The following MBIP variants were observed in gnomAD, a reference collection of about 807,000 sequenced individuals.
MBIP encodes the protein MAP3K12 binding inhibitory protein 1.
MBIP carries 32 observed loss-of-function variants against 45.7 expected under a neutral mutation model. The ratio of observed to expected loss-of-function variants is 0.70; its 90% CI spans 0.53 to 0.94. The LOEUF (loss-of-function observed/expected upper bound fraction) is 0.94, where lower values mean the gene tolerates loss of function less well. Ranked by LOEUF, MBIP falls within the 40% of genes least tolerant of loss-of-function variation. The probability of loss-of-function intolerance (pLI) is 0.00; values close to 1 mark genes in which losing one functional copy is unlikely to be tolerated. For missense variants in MBIP, 381 were observed against 405.5 expected, an observed-to-expected ratio of 0.94 and a Z score of 0.52; for synonymous variants, 145 against 141.0, an observed-to-expected ratio of 1.03 and a Z score of -0.20.
chr14:36,317,287 C>T (rs963295310), intron 1 of MBIP, among the ~76,000 whole-genome samples: 1 of 152,130 alleles, frequency 6.6e-6, no homozygotes, highest in South Asian at 2.1e-4. Context: ...AGAAATATAT[C>T]ATTATTCTGA....
At chr14:36,319,669 A>G (rs1880773041) in intron 1 of MBIP, 1 of 285,986 alleles carries the variant, frequency 3.5e-6, no homozygotes, top group Non-Finnish European at 7.1e-6. Flanking sequence ...AAAATGGTCT[A>G]TGTAAGATAG....
chr14:36,303,030 C>T (rs1879666666), intron 7 of MBIP, among the ~76,000 whole-genome samples: 1 of 152,214 alleles, frequency 6.6e-6, no homozygotes, highest in South Asian at 2.1e-4. Context: ...CTACAGTGTA[C>T]TGTGCTGCCA....
At chr14:36,309,705 T>C (rs1434902017) in intron 6 of MBIP, among the ~76,000 whole-genome samples, 1 of 152,222 alleles carries the variant, frequency 6.6e-6, no homozygotes, top group Admixed American at 6.5e-5. Flanking sequence ...CTTACTTCTG[T>C]ATCTTTCAAG....
Position 36,320,501 on chromosome 14 carries a change from G to A in MBIP, c.88C>T (p.Leu30Phe). 1 of 1,614,024 alleles carries A rather than the reference G, an allele frequency of 6.2e-7. No individual in the cohort carries two copies. The highest frequency in any genetic ancestry group is 1.1e-5 in the South Asian group (1 of 91,074). The change falls in exon 1 of 9, where the codon CTC becomes TTC. Residue 30 changes from leucine to phenylalanine, a missense_variant. Transcript: ENST00000416007. ...RCRPNLSREV[L>F]YEIFRSLHTL... is the part of the protein sequence containing the mutation. ...TGTAGGGAGCGAAAGATTTCGTAGAGCACCTCTCGGGAGAGGTTGGGTCTG... is the reference window on the plus strand; with the variant it reads ...TGTAGGGAGCGAAAGATTTCGTAGAACACCTCTCGGGAGAGGTTGGGTCTG...
rs1390986026 is a variant in MBIP, at chr14:36,316,768, G to C, written c.174C>G (p.Asn58Lys). The C allele has an allele frequency of 2.5e-6, 4 of 1,612,626 alleles. No individual in the cohort carries two copies. The South Asian group carries it at 3.3e-5, about 13-fold the overall frequency. ...DDVVKITIDW[N>K]KLQSLSAFQP... Reference sequence around the variant, plus strand: ...GGAATGCCGAGAGGCTCTGGAGCTTGTTCCAATCGATTGTAATTTTCACCA... The same window carrying C: ...GGAATGCCGAGAGGCTCTGGAGCTTCTTCCAATCGATTGTAATTTTCACCA... Residue 58 changes from asparagine to lysine, a missense_variant, in exon 2 of 9, where the codon AAC (asparagine) becomes AAG (lysine). Physicochemically the swap from Asn to Lys is moderately conservative, Grantham distance 94 (BLOSUM62 0). Transcript: ENST00000416007.
chr14:36,320,484 G>A lies in MBIP; in HGVS notation c.105C>T (p.Arg35=). 1 of 1,614,080 alleles carries A rather than the reference G, an allele frequency of 6.2e-7. No homozygotes were observed. The highest frequency in any genetic ancestry group is 8.5e-7 in the Non-Finnish European group (1 of 1,180,006). Reference sequence around the variant, plus strand: ...CCTGTCCAACCAGGGTGTGTAGGGAGCGAAAGATTTCGTAGAGCACCTCTC... The same window carrying A: ...CCTGTCCAACCAGGGTGTGTAGGGAACGAAAGATTTCGTAGAGCACCTCTC... ...LSREVLYEIF[R]SLHTLVGQLD... Residue 35 remains arginine, a synonymous_variant, in exon 1 of 9, where the codon CGC becomes CGT. Coordinates refer to ENST00000416007, the MANE Select transcript of MBIP (RefSeq NM_016586.3).
intron 2 of MBIP, among the ~76,000 whole-genome samples, chr14:36,315,517 T>C (rs1320629401): frequency 1.3e-5 from 2 of 150,758 alleles, no homozygotes; most frequent in South Asian, 2.1e-4. Context: ...CTTTTGGTCA[T>C]AAAATTAAAT....
At chr14:36,317,772 A>G (rs1022416161) in intron 1 of MBIP, among the ~76,000 whole-genome samples, 2 of 152,126 alleles carry the variant, frequency 1.3e-5, no homozygotes, top group African/African-American at 2.4e-5. Flanking sequence ...TCAAGTTAAC[A>G]TAATTTATTC....
At position 36,299,005 on chromosome 14, in the gene MBIP, A is replaced by G; in HGVS notation, c.*78T>C. On this transcript the variant is annotated 3_prime_UTR_variant, in exon 9 of 9. Transcript: ENST00000416007. ...CAGAGAAGTCTACATTGATAAATAT[A>G]TATCCGTTGAATTAATAACAGTGTA... The G allele has an allele frequency of 9.9e-7, 1 of 1,011,158 alleles. No homozygotes were observed. The highest frequency in any genetic ancestry group is 1.6e-6 in the Non-Finnish European group (1 of 644,188). The allele number at this position is 1,011,158 out of a possible 1,614,324, so 62.6% of individuals were successfully genotyped here. A position where few individuals can be genotyped will look rare whatever the true frequency, so the allele number is the denominator to read the frequency against.
Position 36,308,188 on chromosome 14 carries a change from A to C in MBIP, c.792T>G (p.Gly264=), listed in dbSNP as rs1879995168. The change falls in exon 7 of 9, where the codon GGT becomes GGG. Residue 264 remains glycine, a splice_region_variant and synonymous_variant. Transcript: ENST00000416007. ...GATAAATGTCTCTTGGCACTGGACCACCTAAATACATTAAAAAAAAATCTG... is the reference window on the plus strand; with the variant it reads ...GATAAATGTCTCTTGGCACTGGACCCCCTAAATACATTAAAAAAAAATCTG... ...NIEAHLRLQT[G]GPVPRDIYQR... The C allele has an allele frequency of 6.6e-7, 1 of 1,504,482 alleles. No individual in the cohort carries two copies. Among genetic ancestry groups the C allele is most frequent in the Non-Finnish European group, 9.1e-7 (1 of 1,103,394 alleles). The allele number at this position is 1,504,482 out of a possible 1,614,324, so 93.2% of individuals were successfully genotyped here. A position where few individuals can be genotyped will look rare whatever the true frequency, so the allele number is the denominator to read the frequency against.
chr14:36,309,360 G>A (rs1263432264), intron 6 of MBIP, among the ~76,000 whole-genome samples: 1 of 152,106 alleles, frequency 6.6e-6, no homozygotes, highest in African/African-American at 2.4e-5. Flanking sequence ...AGCTCCAAGA[G>A]GACAGAGTTT....
intron 7 of MBIP, among the ~76,000 whole-genome samples, chr14:36,306,401 T>G (rs879713701): frequency 2.0e-5 from 3 of 152,156 alleles, no homozygotes; most frequent in Non-Finnish European, 2.9e-5. Flanking sequence ...ATTATAGGCA[T>G]GCGCCACCAT....
At chr14:36,311,535 A>G (rs762604305) in intron 6 of MBIP, 38 bp downstream of exon 6, 16 of 1,541,988 alleles carry the variant, frequency 1.0e-5, no homozygotes, top group Admixed American at 4.1e-5. Flanking sequence ...ACCATTTGCA[A>G]AGGTTCATTA....
intron 2 of MBIP, among the ~76,000 whole-genome samples, chr14:36,315,766 C>A (rs976385613): frequency 6.6e-6 from 1 of 152,024 alleles, no homozygotes; most frequent in African/African-American, 2.4e-5. Context: ...AAATTTCCCA[C>A]AAAGTCAATG....
In MBIP at chr14:36,308,289, A is replaced by G. The variant is rs545057540; in HGVS notation, c.791-100T>C. On this transcript the variant is annotated intron_variant, in intron 6 of 8. Coordinates refer to ENST00000416007, the MANE Select transcript of MBIP (RefSeq NM_016586.3). ...CATGCAAAGACACTTATGCAAAGGA[A>G]TGGAAAATACTTAAGAAAATAAAAA... 3.1e-5 allele frequency: 20 copies of G among 640,514 alleles called. No homozygotes were observed. In the South Asian group the frequency reaches 4.1e-4, roughly 13 times the overall value. The allele number at this position is 640,514 out of a possible 1,614,324, so 39.7% of individuals were successfully genotyped here.
Position 36,319,865 on chromosome 14 carries a change from TTAAA to T in MBIP, c.129+591_129+594del, listed in dbSNP as rs149347213. The T allele has an allele frequency of 8.4e-3, 1,476 of 176,604 alleles. 6 individuals carry two copies. Among genetic ancestry groups the T allele is most frequent in the Non-Finnish European group, 0.014 (1,171 of 82,688 alleles). The allele number at this position is 176,604 out of a possible 1,614,324, so 10.9% of individuals were successfully genotyped here. Reference sequence around the variant, plus strand: ...ATCAGCCAGTTAAACTAGTTAATAGTTAAATAACGACAGTTCTAACGCCAACAGC... The same window carrying T: ...ATCAGCCAGTTAAACTAGTTAATAGTTAACGACAGTTCTAACGCCAACAGC... On this transcript the variant is annotated intron_variant, in intron 1 of 8. Coordinates refer to ENST00000416007, the MANE Select transcript of MBIP (RefSeq NM_016586.3).
Position 36,314,672 on chromosome 14 carries a change from C to G in MBIP, c.474+19G>C, listed in dbSNP as rs374764232. On this transcript the variant is annotated intron_variant, in intron 3 of 8. Coordinates refer to ENST00000416007, the MANE Select transcript of MBIP (RefSeq NM_016586.3). ...TTTTAAAATAATACCCTCTCGCCCC[C>G]GCCAAAAAACCTTCTTACTTCTGCT... The G allele has an allele frequency of 2.5e-6, 4 of 1,609,686 alleles. No homozygotes were observed. The highest frequency in any genetic ancestry group is 3.3e-5 in the Admixed American group (2 of 59,718).
chr14:36,318,942 T>C (rs747426503), intron 1 of MBIP, among the ~76,000 whole-genome samples: 1 of 152,116 alleles, frequency 6.6e-6, no homozygotes. Flanking sequence ...ATTTAATTGA[T>C]GAAACAATCA....
intron 8 of MBIP, among the ~76,000 whole-genome samples, chr14:36,300,207 G>A (rs1027956492): frequency 6.6e-6 from 1 of 152,118 alleles, no homozygotes; most frequent in African/African-American, 2.4e-5. Flanking sequence ...ATTCTCTCTT[G>A]AGGGATCAAC....
Sources: allele counts gnomAD v4.1 joint callset (sites outside exome capture counted in the v4.1 genomes callset), GRCh38; gene constraint gnomAD v4.1.1; transcripts MANE v1.5; gene names NCBI Gene and HGNC (gene_info 2026-07-23, HGNC 2026-07-21).